DRP2: variants seen among roughly 807,000 people sequenced by gnomAD.
DRP2 encodes the protein dystrophin related protein 2.
Under a neutral mutation model 78.2 loss-of-function variants are expected in DRP2, and 29 were observed. That is an observed-to-expected ratio of 0.37 (90% CI 0.28 to 0.51). The LOEUF (loss-of-function observed/expected upper bound fraction) is 0.51. Among genes scored for constraint, DRP2 ranks in the 20% least tolerant of loss-of-function variants. The pLI is 0.94. For synonymous variants in DRP2, 290 were observed against 281.9 expected (o/e 1.03, Z -0.29); for missense variants, 686 against 770.6 (o/e 0.89, Z 1.30).
Position 101,226,885 on chromosome X carries a change from A to G in DRP2, c.-64+2179A>G, listed in dbSNP as rs185342782. ...TGTTGCTTATAACAGAATACCTGAA[A>G]CTGAGTAATTTATAAGAAAAGGAAT... On this transcript the variant is annotated intron_variant, in intron 2 of 23. Coordinates refer to ENST00000395209, the MANE Select transcript of DRP2 (RefSeq NM_001939.3). Among the ~76,000 whole-genome samples, 168 of 111,830 alleles carry G rather than the reference A, an allele frequency of 1.5e-3. 1 individual carries two copies. The highest frequency in any genetic ancestry group is 2.1e-3 in the Non-Finnish European group (110 of 53,167).
intron 17 of DRP2, among the ~76,000 whole-genome samples, chrX:101,253,533 C>A (rs865907279): frequency 3.0e-4 from 23 of 77,470 alleles, no homozygotes; most frequent in East Asian, 1.6e-3. Flanking sequence ...TTTAATTTTA[C>A]TTTCACCTTT....
chrX:101,258,183 G>C, intron 21 of DRP2, 126 bp from the exon 22 acceptor site: 1 of 534,066 alleles, frequency 1.9e-6, no homozygotes, highest in Non-Finnish European at 3.1e-6. Context: ...GTGGGGATGG[G>C]GGTGGGGGTG....
chrX:101,236,522 C>T (rs1366127407), intron 4 of DRP2, among the ~76,000 whole-genome samples: 1 of 111,987 alleles, frequency 8.9e-6, no homozygotes, highest in Non-Finnish European at 1.9e-5. Context: ...ACCTATTTCT[C>T]CCCAAACTAA....
rs954523757 is a variant in DRP2, at chrX:101,228,905, C to CA, written c.-63-2669dup. The stretch of plus-strand genomic sequence containing the variant: ...GGTGACAAAGTGAGAGACCCTGTCT[C>CA]AAAAAAAAAAATCATGTTTTAAGGG... On this transcript the variant is annotated intron_variant, in intron 2 of 23. Transcript: ENST00000395209. Among the ~76,000 whole-genome samples, 290 of 99,677 alleles carry CA rather than the reference C, an allele frequency of 2.9e-3. 1 individual carries two copies. Among genetic ancestry groups the CA allele is most frequent in the African/African-American group, 6.6e-3 (180 of 27,184 alleles). 86.6% of individuals were successfully genotyped at this position (99,677 alleles called of 115,157 possible).
intron 2 of DRP2, among the ~76,000 whole-genome samples, chrX:101,225,737 G>A (rs936191967): frequency 1.2e-4 from 13 of 111,671 alleles, no homozygotes; most frequent in Non-Finnish European, 2.4e-4. Context: ...TAGGTAATGT[G>A]TTCACATGGG....
At position 101,241,683 on chromosome X, in the gene DRP2, A is replaced by G. The variant is rs745963005; in HGVS notation, c.575A>G (p.Gln192Arg). The change falls in exon 7 of 24, where the codon CAG (glutamine) becomes CGG (arginine). Residue 192 changes from glutamine (Q) to arginine (R), a missense_variant. Gln to Arg is a conservative substitution (Grantham distance 43). Coordinates refer to ENST00000395209, the MANE Select transcript of DRP2 (RefSeq NM_001939.3). ...CCTCTTGCAGATACCTCCCCGAAAC[A>G]GCGGATCCAGAATCTCAGCCGCTTT... ...HSESKDTSPK[Q>R]RIQNLSRFVW... The G allele has an allele frequency of 8.3e-7, 1 of 1,209,525 alleles. No homozygotes were observed. The highest frequency in any genetic ancestry group is 1.8e-5 in the South Asian group (1 of 56,763).
intron 2 of DRP2, among the ~76,000 whole-genome samples, chrX:101,228,947 C>A (rs910455276): frequency 1.8e-5 from 2 of 110,968 alleles, no homozygotes; most frequent in African/African-American, 6.6e-5. Flanking sequence ...TAATGACATT[C>A]TAAAATGACC....
intron 9 of DRP2, 54 bp from the exon 10 acceptor site, chrX:101,244,963 G>T (rs1490160463): frequency 1.8e-6 from 2 of 1,089,058 alleles, no homozygotes; most frequent in African/African-American, 1.8e-5. Flanking sequence ...GTAGCTGGGG[G>T]CCTTAAGAGC....
At chrX:101,236,390 G>C (rs1286443888) in intron 4 of DRP2, among the ~76,000 whole-genome samples, 1 of 111,876 alleles carries the variant, frequency 8.9e-6, no homozygotes, top group Non-Finnish European at 1.9e-5. Context: ...AAAATGCCGA[G>C]GTATAAATGA....
intron 4 of DRP2, 97 bp downstream of exon 4, chrX:101,236,120 T>A: frequency 1.1e-6 from 1 of 951,627 alleles, no homozygotes; most frequent in Non-Finnish European, 1.5e-6. Context: ...GCATCCCCCT[T>A]TCCTTAGCCC....
intron 5 of DRP2, 50 bp downstream of exon 5, chrX:101,237,825 G>A (rs763833449): frequency 1.9e-6 from 2 of 1,046,537 alleles, no homozygotes; most frequent in African/African-American, 3.8e-5. Context: ...AGCTGGGGAG[G>A]AATCCCTTCT....
At chrX:101,251,242 TTTAA>T (rs1446196129) in intron 16 of DRP2, 159 bp downstream of exon 16, 1 of 495,860 alleles carries the variant, frequency 2.0e-6, no homozygotes, top group East Asian at 4.1e-5. Flanking sequence ...TTGCAGAATG[TTTAA>T]TTGTTTTTAA....
chrX:101,241,732 C>T lies in DRP2; in HGVS notation c.624C>T (p.Ala208=), dbSNP rs147777846. 1.1e-4 allele frequency: 137 copies of T among 1,210,014 alleles called. No homozygotes were observed. In the African/African-American group the frequency reaches 2.1e-3, roughly 19 times the overall value. The change falls in exon 7 of 24, where the codon GCC becomes GCT. Residue 208 remains alanine, a synonymous_variant. Coordinates refer to ENST00000395209, the MANE Select transcript of DRP2 (RefSeq NM_001939.3). ...SRFVWKQATV[A]SELWEKLTAR... ...TTGTATGGAAGCAGGCGACGGTGGC[C>T]AGTGAACTGTGGGAGAAGTTGACAG...
At chrX:101,220,933 T>C (rs186302167) in intron 1 of DRP2, among the ~76,000 whole-genome samples, 1 of 111,809 alleles carries the variant, frequency 8.9e-6, no homozygotes, top group Non-Finnish European at 1.9e-5. Context: ...CAACACCCTA[T>C]CACCTTCTGC....
rs141860877 is a variant in DRP2, at chrX:101,238,861, C to G, written c.439-120C>G. The G allele has an allele frequency of 8.5e-4, 780 of 921,542 alleles. 15 individuals carry two copies. In the East Asian group the frequency reaches 0.018, roughly 22 times the overall value. 75.9% of individuals were successfully genotyped at this position (921,542 alleles called of 1,213,427 possible). A position where few individuals can be genotyped will look rare whatever the true frequency, so the allele number is the denominator to read the frequency against. The stretch of plus-strand genomic sequence containing the variant: ...TTTTTGTCTAGGTAGTTCAAAGATA[C>G]CTGATAATGCCAAAGAATCAAGACA... On this transcript the variant is annotated intron_variant, in intron 5 of 23. Coordinates refer to ENST00000395209, the MANE Select transcript of DRP2 (RefSeq NM_001939.3).
At chrX:101,229,657 A>G (rs1453919359) in intron 2 of DRP2, among the ~76,000 whole-genome samples, 1 of 110,665 alleles carries the variant, frequency 9.0e-6, no homozygotes, top group Non-Finnish European at 1.9e-5. Context: ...ACTGGAATAG[A>G]GTCTAAAAAT....
intron 6 of DRP2, among the ~76,000 whole-genome samples, chrX:101,241,459 TAAAC>T (rs752333606): frequency 1.9e-5 from 2 of 107,861 alleles, no homozygotes; most frequent in South Asian, 7.6e-4. Flanking sequence ...GATTTAAAAA[TAAAC>T]AGTTTTTTTT....
At position 101,245,021 on chromosome X, in the gene DRP2, T is replaced by C. The variant is rs754380035; in HGVS notation, c.1059T>C (p.Ser353=). 5.0e-6 allele frequency: 6 copies of C among 1,207,431 alleles called. No homozygotes were observed. Among genetic ancestry groups the C allele is most frequent in the Non-Finnish European group, 6.7e-6 (6 of 893,888 alleles). The change falls in exon 10 of 24, where the codon TCT becomes TCC. Residue 353 remains serine (S), a synonymous_variant. Coordinates refer to ENST00000395209, the MANE Select transcript of DRP2 (RefSeq NM_001939.3). The part of the protein sequence containing the change: ...GPGSQHFLSS[S]VQVPWERAIS... ...CTTTCTCTTCTCCTTTACCAGCCTC[T>C]GTCCAGGTTCCCTGGGAAAGAGCAA...
In DRP2 at chrX:101,244,904, A is replaced by T. The variant is rs1295852890; in HGVS notation, c.1055-113A>T. 6.0e-6 allele frequency: 4 copies of T among 661,249 alleles called. No individual in the cohort carries two copies. The African/African-American group carries it at 6.6e-5, about 11-fold the overall frequency. The allele number at this position is 661,249 out of a possible 1,213,427, so 54.5% of individuals were successfully genotyped here. On this transcript the variant is annotated intron_variant, in intron 9 of 23. Transcript: ENST00000395209. ...GTTAAGAGCTGGCAATGAAATTCAG[A>T]CATCCCCTTTTGGGCTTGACAACCT...
Sources: allele counts gnomAD v4.1 joint callset (sites outside exome capture counted in the v4.1 genomes callset), GRCh38; gene constraint gnomAD v4.1.1; transcripts MANE v1.5; gene names NCBI Gene and HGNC (gene_info 2026-07-23, HGNC 2026-07-21).